Variants in COL4A3 observed in about 807,000 individuals in gnomAD.
The protein encoded by COL4A3 is collagen type IV alpha 3 chain.
COL4A3 carries 135 observed loss-of-function variants against 217.4 expected under a neutral mutation model. The ratio of observed to expected loss-of-function variants is 0.62; its 90% CI spans 0.54 to 0.72. COL4A3 has a LOEUF of 0.72. Among genes scored for constraint, COL4A3 ranks in the 30% least tolerant of loss-of-function variants. The pLI, the probability that COL4A3 is intolerant of heterozygous loss-of-function variation, is 0.00. For missense variants in COL4A3, 1,868 were observed against 2,119.9 expected, an observed-to-expected ratio of 0.88 and a Z score of 2.33; for synonymous variants, 690 against 736.3, an observed-to-expected ratio of 0.94 and a Z score of 1.02.
chr2:227,204,481 T>C (rs2067024391), intron 1 of COL4A3, among the ~76,000 whole-genome samples: 1 of 152,190 alleles, frequency 6.6e-6, no homozygotes, highest in African/African-American at 2.4e-5. Context: ...TTAAACTTTC[T>C]GATGATGCTC....
At chr2:227,307,684 C>T in intron 47 of COL4A3, 26 bp from the exon 48 acceptor site, 2 of 1,597,684 alleles carry the variant, frequency 1.3e-6, no homozygotes, top group Non-Finnish European at 1.7e-6. Flanking sequence ...GTGTATGTTG[C>T]AACATTTAGA....
chr2:227,275,700 G>A (rs970073579), intron 26 of COL4A3, among the ~76,000 whole-genome samples: 4 of 152,042 alleles, frequency 2.6e-5, no homozygotes, highest in South Asian at 2.1e-4. Flanking sequence ...TCTTTCCCCC[G>A]CGACAGATGA....
chr2:227,181,072 A>G (rs2065853728), intron 1 of COL4A3, among the ~76,000 whole-genome samples: 1 of 152,190 alleles, frequency 6.6e-6, no homozygotes, highest in African/African-American at 2.4e-5. Flanking sequence ...TCAGCCAGTG[A>G]TTTCATCACT....
intron 1 of COL4A3, among the ~76,000 whole-genome samples, chr2:227,176,717 G>A (rs1407954169): frequency 6.6e-6 from 1 of 152,140 alleles, no homozygotes; most frequent in African/African-American, 2.4e-5. Flanking sequence ...GGATATTTTG[G>A]TTGTTACATG....
intron 1 of COL4A3, chr2:227,220,957 CAGAA>C (rs2067755752): frequency 1.3e-5 from 2 of 152,148 alleles, no homozygotes; most frequent in South Asian, 4.2e-4. Flanking sequence ...TCCTATAACT[CAGAA>C]TGAATAATGA....
At chr2:227,273,540 G>A (rs1032775615) in intron 26 of COL4A3, among the ~76,000 whole-genome samples, 4 of 152,056 alleles carry the variant, frequency 2.6e-5, no homozygotes, top group Non-Finnish European at 1.5e-5. Flanking sequence ...AGTAGCTGGG[G>A]CTACAGGCAC....
intron 1 of COL4A3, among the ~76,000 whole-genome samples, chr2:227,179,157 C>T (rs1190720216): frequency 6.6e-6 from 1 of 151,478 alleles, no homozygotes; most frequent in Non-Finnish European, 1.5e-5. Context: ...CTCTATTTTG[C>T]CCAGGCTAGT....
chr2:227,234,475 T>C (rs1008030926), intron 1 of COL4A3, among the ~76,000 whole-genome samples: 4 of 152,228 alleles, frequency 2.6e-5, no homozygotes, highest in Non-Finnish European at 4.4e-5. Flanking sequence ...ATCTGCATCA[T>C]GGCACCCCAT....
At chr2:227,286,465 A>G (rs2072331666) in intron 34 of COL4A3, among the ~76,000 whole-genome samples, 1 of 152,226 alleles carries the variant, frequency 6.6e-6, no homozygotes, top group Non-Finnish European at 1.5e-5. Context: ...ACTGCACTCC[A>G]ACCTGGGCAA....
At chr2:227,310,207 T>C (rs2073688554) in intron 50 of COL4A3, among the ~76,000 whole-genome samples, 2 of 152,220 alleles carry the variant, frequency 1.3e-5, no homozygotes, top group African/African-American at 4.8e-5. Context: ...AAGAAGTTTA[T>C]GGATTGGCCA....
intron 6 of COL4A3, 146 bp downstream of exon 6, chr2:227,246,162 T>G: frequency 1.4e-6 from 1 of 713,064 alleles, no homozygotes; most frequent in Non-Finnish European, 2.5e-6. Flanking sequence ...GGCAGGAAAC[T>G]TCCCATTTTC....
intron 1 of COL4A3, among the ~76,000 whole-genome samples, chr2:227,225,199 C>T (rs941959288): frequency 6.6e-6 from 1 of 152,202 alleles, no homozygotes; most frequent in Non-Finnish European, 1.5e-5. Flanking sequence ...AGCCACCTGG[C>T]CTAAACTTTG....
chr2:227,172,768 G>C (rs189794557), intron 1 of COL4A3, among the ~76,000 whole-genome samples: 6 of 151,812 alleles, frequency 4.0e-5, no homozygotes, highest in African/African-American at 1.4e-4. Flanking sequence ...TGTATTTTTA[G>C]TAGAGATGGG....
chr2:227,192,329 T>C (rs1209792484), intron 1 of COL4A3, among the ~76,000 whole-genome samples: 1 of 152,246 alleles, frequency 6.6e-6, no homozygotes, highest in Non-Finnish European at 1.5e-5. Context: ...ATTTAATTTC[T>C]TCATGTGCAC....
intron 40 of COL4A3, 87 bp downstream of exon 40, chr2:227,295,149 T>C: frequency 6.6e-7 from 1 of 1,521,184 alleles, no homozygotes; most frequent in African/African-American, 1.4e-5. Flanking sequence ...GCTCTAAAGA[T>C]TTTTCTCTGA....
In COL4A3 at chr2:227,269,971, A is replaced by T. The variant is rs2071143686; in HGVS notation, c.1566A>T (p.Pro522=). 2 of 1,613,118 alleles carry T rather than the reference A, an allele frequency of 1.2e-6. No homozygotes were observed. Among genetic ancestry groups the T allele is most frequent in the Admixed American group, 1.7e-5 (1 of 59,994 alleles). Residue 522 remains proline, a synonymous_variant, in exon 24 of 52, where the codon CCA becomes CCT. Coordinates refer to ENST00000396578, the MANE Select transcript of COL4A3 (RefSeq NM_000091.5). ...SPGSPGNTGL[P]GFPGFPGAQG... ...GGTCCCCAGGAAATACAGGTCTTCCAGGATTTCCAGTAAGATTTCATGTTT... is the reference window on the plus strand; with the variant it reads ...GGTCCCCAGGAAATACAGGTCTTCCTGGATTTCCAGTAAGATTTCATGTTT...
chr2:227,266,858 T>C (rs1403778975), intron 22 of COL4A3, 135 bp from the exon 23 acceptor site: 7 of 698,646 alleles, frequency 1.0e-5, no homozygotes, highest in Non-Finnish European at 1.8e-5. Context: ...TAAATTAATA[T>C]GTATAACGTC....
intron 37 of COL4A3, among the ~76,000 whole-genome samples, chr2:227,291,263 C>T (rs990475074): frequency 6.6e-6 from 1 of 152,168 alleles, no homozygotes; most frequent in Non-Finnish European, 1.5e-5. Flanking sequence ...TCCAAACCTT[C>T]TAATAAAAAA....
intron 3 of COL4A3, among the ~76,000 whole-genome samples, chr2:227,241,296 C>A (rs929904356): frequency 6.6e-6 from 1 of 152,198 alleles, no homozygotes; most frequent in East Asian, 1.9e-4. Flanking sequence ...TGACCTCCAG[C>A]AAGCTATAAA....
Sources: allele counts gnomAD v4.1 joint callset (sites outside exome capture counted in the v4.1 genomes callset), GRCh38; gene constraint gnomAD v4.1.1; transcripts MANE v1.5; gene names NCBI Gene and HGNC (gene_info 2026-07-23, HGNC 2026-07-21).